CCDC146: variants seen among roughly 807,000 people sequenced by gnomAD.
CCDC146 encodes coiled-coil domain-containing protein 146.
CCDC146 carries 92 observed loss-of-function variants against 119.3 expected under a neutral mutation model. That is an observed-to-expected ratio of 0.77 (90% CI 0.65 to 0.92). The LOEUF (loss-of-function observed/expected upper bound fraction) is 0.92, where lower values mean the gene tolerates loss of function less well. CCDC146 is among the 40% of genes least tolerant of loss of function. CCDC146 has a pLI of 0.00. For missense variants in CCDC146, 1,000 were observed against 1,103.0 expected, an observed-to-expected ratio of 0.91 and a Z score of 1.32; for synonymous variants, 372 against 371.8, an observed-to-expected ratio of 1.00 and a Z score of -0.01.
intron 1 of CCDC146, among the ~76,000 whole-genome samples, chr7:77,163,921 A>T (rs28434561): frequency 6.8e-6 from 1 of 146,124 alleles, no homozygotes; most frequent in Non-Finnish European, 1.5e-5. Context: ...GTACAATGGC[A>T]CAATCTCGGC....
chr7:77,235,086 C>A (rs1049860997), intron 2 of CCDC146, among the ~76,000 whole-genome samples: 18 of 152,144 alleles, frequency 1.2e-4, no homozygotes, highest in African/African-American at 4.3e-4. Flanking sequence ...CAAATATAAG[C>A]AATTTACCTA....
chr7:77,155,661 A>T (rs1791168778), intron 1 of CCDC146, among the ~76,000 whole-genome samples: 1 of 152,142 alleles, frequency 6.6e-6, no homozygotes, highest in Non-Finnish European at 1.5e-5. Flanking sequence ...TTCTTATGGT[A>T]TGTGGTTGTT....
At chr7:77,130,380 A>G (rs1490933537) in intron 1 of CCDC146, among the ~76,000 whole-genome samples, 1 of 152,090 alleles carries the variant, frequency 6.6e-6, no homozygotes, top group African/African-American at 2.4e-5. Flanking sequence ...CAAAGGTCTC[A>G]GAACAACTCG....
At chr7:77,226,506 C>T (rs906443068) in intron 2 of CCDC146, among the ~76,000 whole-genome samples, 3 of 152,226 alleles carry the variant, frequency 2.0e-5, no homozygotes, top group African/African-American at 7.2e-5. Context: ...CCTAGAATTT[C>T]CATTTTTGAA....
rs1790768891 is a variant in CCDC146 at position 77,130,620 on chromosome 7, A to T, written c.-12+7888A>T. 3.0e-5 allele frequency among the ~76,000 whole-genome samples: 4 copies of T among 133,082 alleles called. No homozygotes were observed. In the Admixed American group the frequency reaches 3.1e-4, roughly 10 times the overall value. The allele number at this position is 133,082 out of a possible 152,430, so 87.3% of individuals were successfully genotyped here. A position where few individuals can be genotyped will look rare whatever the true frequency, so the allele number is the denominator to read the frequency against. Reference sequence around the variant, plus strand: ...TTCTTTTTTTTTTTTTTTTTTTGAGACGGAGTTTCGCTCTGTCGCCCAGGC... The same window carrying T: ...TTCTTTTTTTTTTTTTTTTTTTGAGTCGGAGTTTCGCTCTGTCGCCCAGGC... On this transcript the variant is annotated intron_variant, in intron 1 of 18. Transcript: ENST00000285871.
At chr7:77,154,757 T>G (rs1461979270) in intron 1 of CCDC146, among the ~76,000 whole-genome samples, 1 of 152,208 alleles carries the variant, frequency 6.6e-6, no homozygotes, top group African/African-American at 2.4e-5. Context: ...AGTGCCGCAA[T>G]AAACATGTGC....
At chr7:77,168,536 A>C (rs1353463713) in intron 2 of CCDC146, among the ~76,000 whole-genome samples, 1 of 152,110 alleles carries the variant, frequency 6.6e-6, no homozygotes, top group African/African-American at 2.4e-5. Context: ...AAAAAGTCTT[A>C]AGGCAAAAAC....
intron 2 of CCDC146, among the ~76,000 whole-genome samples, chr7:77,200,731 T>C (rs1562831301): frequency 6.6e-6 from 1 of 152,254 alleles, no homozygotes; most frequent in Non-Finnish European, 1.5e-5. Flanking sequence ...TATATCAGCT[T>C]GTTCAAAACA....
chr7:77,144,800 G>T (rs1002483359), intron 1 of CCDC146, among the ~76,000 whole-genome samples: 1 of 151,800 alleles, frequency 6.6e-6, no homozygotes, highest in Non-Finnish European at 1.5e-5. Flanking sequence ...TTTTTGATGG[G>T]CTGCTGGATT....
intron 2 of CCDC146, among the ~76,000 whole-genome samples, chr7:77,207,498 C>T (rs933505377): frequency 6.6e-6 from 1 of 152,122 alleles, no homozygotes; most frequent in Admixed American, 6.5e-5. Context: ...CAAATTTCAG[C>T]TGCAACAATT....
At chr7:77,210,494 A>G (rs1792161000) in intron 2 of CCDC146, among the ~76,000 whole-genome samples, 1 of 152,206 alleles carries the variant, frequency 6.6e-6, no homozygotes, top group Non-Finnish European at 1.5e-5. Flanking sequence ...CAACAAGTCT[A>G]TAGGAAGTTC....
At chr7:77,285,848 A>C (rs1275277488) in intron 15 of CCDC146, among the ~76,000 whole-genome samples, 1 of 152,248 alleles carries the variant, frequency 6.6e-6, no homozygotes, top group Non-Finnish European at 1.5e-5. Flanking sequence ...GAAAAAATAC[A>C]AATAGCCCAA....
intron 2 of CCDC146, among the ~76,000 whole-genome samples, chr7:77,197,732 G>A (rs1332345358): frequency 6.6e-6 from 1 of 152,110 alleles, no homozygotes; most frequent in Non-Finnish European, 1.5e-5. Flanking sequence ...AGAAGCTCAA[G>A]TGAAAAAGAA....
chr7:77,187,396 G>T (rs1791684646), intron 2 of CCDC146, among the ~76,000 whole-genome samples: 1 of 152,188 alleles, frequency 6.6e-6, no homozygotes, highest in Non-Finnish European at 1.5e-5. Flanking sequence ...TTTTAGTTTG[G>T]TTTGGTTTGT....
chr7:77,213,010 TTTG>T (rs1340146748), intron 2 of CCDC146, among the ~76,000 whole-genome samples: 2 of 151,848 alleles, frequency 1.3e-5, no homozygotes, highest in Non-Finnish European at 2.9e-5. Flanking sequence ...AACTTTGTTT[TTTG>T]TTGTTGTTCA....
chr7:77,287,776 G>A (rs1039605320), intron 17 of CCDC146, among the ~76,000 whole-genome samples, 199 bp downstream of exon 17: 1 of 152,178 alleles, frequency 6.6e-6, no homozygotes, highest in Non-Finnish European at 1.5e-5. Context: ...TCACTTCACG[G>A]TGGCAAAACC....
chr7:77,127,532 T>G (rs1790706770), intron 1 of CCDC146, among the ~76,000 whole-genome samples: 1 of 152,174 alleles, frequency 6.6e-6, no homozygotes, highest in African/African-American at 2.4e-5. Flanking sequence ...TACATTTTAT[T>G]TTCATGAAGG....
chr7:77,224,059 A>G (rs1421892897), intron 2 of CCDC146, among the ~76,000 whole-genome samples: 1 of 152,240 alleles, frequency 6.6e-6, no homozygotes, highest in Non-Finnish European at 1.5e-5. Flanking sequence ...AGATAGGTAG[A>G]AATAACATGT....
At chr7:77,194,307 C>G (rs965838504) in intron 2 of CCDC146, 2 of 151,930 alleles carry the variant, frequency 1.3e-5, no homozygotes, top group Non-Finnish European at 2.9e-5. Context: ...GAAACAAATA[C>G]ATTGTATAAT....
Sources: allele counts gnomAD v4.1 joint callset (sites outside exome capture counted in the v4.1 genomes callset), GRCh38; gene constraint gnomAD v4.1.1; transcripts MANE v1.5; gene names NCBI Gene and HGNC (gene_info 2026-07-23, HGNC 2026-07-21).